Variants in FUT8 observed in about 807,000 individuals in gnomAD.
The protein encoded by FUT8 is alpha-(1,6)-fucosyltransferase.
In FUT8, 29 loss-of-function variants were observed where a neutral mutation model predicts 71.3. The ratio of observed to expected loss-of-function variants is 0.41; its 90% CI spans 0.30 to 0.55. FUT8 has a LOEUF of 0.55. Ranked by LOEUF, FUT8 falls within the 20% of genes least tolerant of loss-of-function variation. The pLI is 0.34. For missense variants in FUT8, 544 were observed against 702.1 expected (o/e 0.77, Z 2.55); for synonymous variants, 254 against 239.3 (o/e 1.06, Z -0.57).
At chr14:65,671,232 T>C (rs1235338604) in intron 7 of FUT8, among the ~76,000 whole-genome samples, 1 of 152,136 alleles carries the variant, frequency 6.6e-6, no homozygotes, top group Non-Finnish European at 1.5e-5. Context: ...AAGTTACAGA[T>C]TTATCAGGTT....
At chr14:65,463,971 T>C (rs752345858) in intron 2 of FUT8, among the ~76,000 whole-genome samples, 1 of 152,194 alleles carries the variant, frequency 6.6e-6, no homozygotes, top group African/African-American at 2.4e-5. Flanking sequence ...AGATTCTCCC[T>C]GGCTCCCCCA....
At chr14:65,628,903 A>G (rs1446566771) in intron 5 of FUT8, among the ~76,000 whole-genome samples, 2 of 152,336 alleles carry the variant, frequency 1.3e-5, no homozygotes, top group Admixed American at 1.3e-4. Context: ...ATTCATTTGC[A>G]TATTATCTAT....
chr14:65,715,154 C>T (rs1226203215), intron 7 of FUT8, among the ~76,000 whole-genome samples: 3 of 152,162 alleles, frequency 2.0e-5, no homozygotes, highest in Non-Finnish European at 4.4e-5. Flanking sequence ...TTGTTGTGTT[C>T]CAGATCTTAG....
intron 3 of FUT8, among the ~76,000 whole-genome samples, chr14:65,593,817 C>G (rs1257971889): frequency 6.6e-6 from 1 of 152,194 alleles, no homozygotes; most frequent in Non-Finnish European, 1.5e-5. Flanking sequence ...CTCAGGTGAT[C>G]CACCTGCCTT....
chr14:65,737,871 C>T (rs2268965), intron 10 of FUT8, among the ~76,000 whole-genome samples: 11,240 of 152,118 alleles, frequency 0.074, 474 homozygotes, highest in Admixed American at 0.13. Context: ...TTCTACTCCC[C>T]TTATTACACT....
chr14:65,577,491 G>C (rs574815229), intron 3 of FUT8, among the ~76,000 whole-genome samples: 1 of 152,188 alleles, frequency 6.6e-6, no homozygotes, highest in African/African-American at 2.4e-5. Context: ...TTTAAAATGA[G>C]ATTAAAAAAA....
In FUT8 at chr14:65,722,770, A is replaced by G. The variant is rs184234051; in HGVS notation, c.1082+749A>G. ...ATATGATTGTATCCACATCTGGGTT[A>G]TAGTCTGGAATGCAAAGCAAAGAAT... On this transcript the variant is annotated intron_variant, in intron 8 of 10. Coordinates refer to ENST00000673929, the MANE Select transcript of FUT8 (RefSeq NM_001371533.1). 1.3e-3 allele frequency among the ~76,000 whole-genome samples: 203 copies of G among 152,334 alleles called. 2 individuals carry two copies. In the South Asian group the frequency reaches 0.021, roughly 15 times the overall value.
At chr14:65,363,926 C>A in the FUT8 span, among the ~76,000 whole-genome samples, 1 of 152,196 alleles carries the variant, frequency 6.6e-6, no homozygotes, top group South Asian at 2.1e-4. Context: ...GGGCCCCAGC[C>A]AAGAACTCAG....
chr14:65,531,683 A>T (rs1311573672), intron 2 of FUT8, among the ~76,000 whole-genome samples: 2 of 152,094 alleles, frequency 1.3e-5, no homozygotes, highest in African/African-American at 2.4e-5. Context: ...AACTTGTGTT[A>T]TGGGGGGTTT....
chr14:65,458,871 C>CT (rs1171825134), intron 2 of FUT8, among the ~76,000 whole-genome samples: 1 of 151,476 alleles, frequency 6.6e-6, no homozygotes, highest in Non-Finnish European at 1.5e-5. Context: ...TCACTGCAAC[C>CT]TTCACTTCCT....
Position 65,742,132 on chromosome 14 carries a change from C to A in FUT8, c.1450C>A (p.Pro484Thr). The change falls in exon 11 of 11, where the codon CCT becomes ACT. Residue 484 changes from proline (P) to threonine (T), a missense_variant. Pro to Thr is a conservative substitution (Grantham distance 38). Coordinates refer to ENST00000673929, the MANE Select transcript of FUT8 (RefSeq NM_001371533.1). ...TTATGAAATTATGCAAACACTACAT[C>A]CTGATGCCTCTGCAAACTTCCATTC... is the stretch of plus-strand genomic sequence containing the variant. ...VAYEIMQTLH[P>T]DASANFHSLD... 1 of 1,612,936 alleles carries A rather than the reference C, an allele frequency of 6.2e-7. No individual in the cohort carries two copies. Among genetic ancestry groups the A allele is most frequent in the Non-Finnish European group, 8.5e-7 (1 of 1,179,250 alleles).
intron 9 of FUT8, among the ~76,000 whole-genome samples, chr14:65,727,538 C>T (rs1316171226): frequency 1.3e-5 from 2 of 152,144 alleles, no homozygotes; most frequent in Non-Finnish European, 2.9e-5. Flanking sequence ...ATGCAGGGCA[C>T]CAAGTCCCTA....
At chr14:65,358,240 T>C in the FUT8 span, among the ~76,000 whole-genome samples, 2 of 152,132 alleles carry the variant, frequency 1.3e-5, no homozygotes, top group Non-Finnish European at 2.9e-5. Context: ...AGTATAGTAA[T>C]TACCTTGAGT....
chr14:65,703,580 A>G (rs1182057512), intron 7 of FUT8, among the ~76,000 whole-genome samples: 1 of 151,978 alleles, frequency 6.6e-6, no homozygotes, highest in East Asian at 1.9e-4. Context: ...AGTAGCAGTG[A>G]CAGTAGCAGC....
At chr14:65,633,227 G>A (rs1419467163) in intron 6 of FUT8, among the ~76,000 whole-genome samples, 4 of 152,102 alleles carry the variant, frequency 2.6e-5, no homozygotes, top group Non-Finnish European at 5.9e-5. Context: ...CGCTGTGTTG[G>A]CCGGGCTGGT....
At chr14:65,366,424 G>T in the FUT8 span, among the ~76,000 whole-genome samples, 1 of 152,120 alleles carries the variant, frequency 6.6e-6, no homozygotes, top group East Asian at 1.9e-4. Flanking sequence ...GTTTTTCCCC[G>T]ATGGCTTCTG....
the FUT8 span, among the ~76,000 whole-genome samples, chr14:65,371,527 C>T: frequency 6.6e-6 from 1 of 152,068 alleles, no homozygotes; most frequent in Admixed American, 6.5e-5. Flanking sequence ...AATTACAGAC[C>T]AGTTATTTCA....
At chr14:65,582,232 G>A (rs1413092238) in intron 3 of FUT8, among the ~76,000 whole-genome samples, 1 of 151,992 alleles carries the variant, frequency 6.6e-6, no homozygotes, top group African/African-American at 2.4e-5. Flanking sequence ...TATTTGTGAT[G>A]AACACATGAT....
chr14:65,612,330 T>C (rs77730132), intron 3 of FUT8, among the ~76,000 whole-genome samples: 1,847 of 152,352 alleles, frequency 0.012, 15 homozygotes, highest in South Asian at 0.024. Context: ...GGGCACATTT[T>C]CCTGCTATTG....
Sources: allele counts gnomAD v4.1 joint callset (sites outside exome capture counted in the v4.1 genomes callset), GRCh38; gene constraint gnomAD v4.1.1; transcripts MANE v1.5; gene names NCBI Gene and HGNC (gene_info 2026-07-23, HGNC 2026-07-21).